GPC5: variants seen among roughly 807,000 people sequenced by gnomAD.
The protein encoded by GPC5 is glypican-5.
GPC5 carries 47 observed loss-of-function variants against 53.9 expected under a neutral mutation model. The ratio of observed to expected loss-of-function variants is 0.87; its 90% CI spans 0.69 to 1.11. GPC5 has a LOEUF of 1.11. GPC5 is among the 50% of genes most tolerant of loss of function. The pLI is 0.00. For missense variants in GPC5, 748 were observed against 713.1 expected (o/e 1.05, Z -0.56); for synonymous variants, 286 against 263.3 (o/e 1.09, Z -0.84).
At chr13:91,717,334 G>A (rs1245089092) in intron 3 of GPC5, among the ~76,000 whole-genome samples, 1 of 152,166 alleles carries the variant, frequency 6.6e-6, no homozygotes, top group Non-Finnish European at 1.5e-5. Flanking sequence ...CAAAGGCTTT[G>A]GTTCAGAGCA....
At chr13:92,718,912 A>T (rs564800630) in intron 7 of GPC5, among the ~76,000 whole-genome samples, 19 of 148,176 alleles carry the variant, frequency 1.3e-4, no homozygotes, top group Non-Finnish European at 2.7e-4. Flanking sequence ...AAAAAAAAAA[A>T]TTGTTAAAAA....
chr13:92,438,924 T>C (rs1309175248), intron 7 of GPC5, among the ~76,000 whole-genome samples: 1 of 152,138 alleles, frequency 6.6e-6, no homozygotes, highest in African/African-American at 2.4e-5. Context: ...AGTGGCTCCA[T>C]TTCAAACATG....
intron 7 of GPC5, among the ~76,000 whole-genome samples, chr13:92,850,963 T>C (rs1341914865): frequency 3.9e-5 from 6 of 152,184 alleles, no homozygotes; most frequent in African/African-American, 1.4e-4. Flanking sequence ...AATTGGCTCA[T>C]GGTTCTTTAG....
At chr13:92,086,489 T>C (rs961013529) in intron 6 of GPC5, among the ~76,000 whole-genome samples, 1 of 152,236 alleles carries the variant, frequency 6.6e-6, no homozygotes, top group Non-Finnish European at 1.5e-5. Context: ...GCTATTCACA[T>C]TGTATTTTTG....
intron 7 of GPC5, among the ~76,000 whole-genome samples, chr13:92,605,090 T>C (rs896191973): frequency 6.6e-6 from 1 of 152,202 alleles, no homozygotes; most frequent in Non-Finnish European, 1.5e-5. Context: ...GATTAGAGAA[T>C]TGTTAATCAA....
intron 6 of GPC5, among the ~76,000 whole-genome samples, chr13:92,110,867 G>T (rs774316836): frequency 6.6e-6 from 1 of 152,034 alleles, no homozygotes. Flanking sequence ...ATTTTCTTTC[G>T]ATGTCCTGAT....
chr13:92,093,936 AAT>A (rs1228560627), intron 6 of GPC5, among the ~76,000 whole-genome samples: 1 of 152,236 alleles, frequency 6.6e-6, no homozygotes, highest in African/African-American at 2.4e-5. Context: ...ATTTAATTCA[AAT>A]ATGTCATAAA....
At chr13:92,161,231 G>A (rs1315349705) in intron 7 of GPC5, among the ~76,000 whole-genome samples, 1 of 152,062 alleles carries the variant, frequency 6.6e-6, no homozygotes, top group Admixed American at 6.5e-5. Flanking sequence ...GTTCTAGCCA[G>A]AAATAGTGAA....
rs1032175968 is a variant in GPC5, at chr13:91,856,956, C to A, written c.1281-50981C>A. Reference sequence around the variant, plus strand: ...TGTGTGTTATGATATAGGGCTTAAGCTTTTTCTTTTTTTTTTGACTTATGA... The same window carrying A: ...TGTGTGTTATGATATAGGGCTTAAGATTTTTCTTTTTTTTTTGACTTATGA... On this transcript the variant is annotated intron_variant, in intron 5 of 7. Coordinates refer to ENST00000377067, the MANE Select transcript of GPC5 (RefSeq NM_004466.6). Among the ~76,000 whole-genome samples, 17 of 128,082 alleles carry A rather than the reference C, an allele frequency of 1.3e-4. No homozygotes were observed. In the East Asian group the frequency reaches 5.6e-3, roughly 42 times the overall value. 84.0% of individuals were successfully genotyped at this position (128,082 alleles called of 152,430 possible).
At position 92,751,302 on chromosome 13, in the gene GPC5, T is replaced by TAAAAAAAA. The variant is rs1566400471; in HGVS notation, c.1562-114980_1562-114979insAAAAAAAA. ...AAAACCTTTGGTCATCCAGAAACAT[T>TAAAAAAAA]TAAAAAAAAAAAAAAAAAAAAAAAA... is the stretch of plus-strand genomic sequence containing the variant. On this transcript the variant is annotated intron_variant, in intron 7 of 7. Transcript: ENST00000377067. Among the ~76,000 whole-genome samples the TAAAAAAAA allele has an allele frequency of 5.5e-3, 188 of 34,404 alleles. 21 individuals are homozygous for TAAAAAAAA. Among genetic ancestry groups the TAAAAAAAA allele is most frequent in the East Asian group, 0.018 (25 of 1,416 alleles). The allele number at this position is 34,404 out of a possible 152,430, so 22.6% of individuals were successfully genotyped here.
At chr13:92,294,093 C>T (rs2043016935) in intron 7 of GPC5, among the ~76,000 whole-genome samples, 1 of 152,038 alleles carries the variant, frequency 6.6e-6, no homozygotes. Flanking sequence ...ATTTGGTTAC[C>T]TAGTATTTTG....
At chr13:92,630,875 T>G (rs1328580700) in intron 7 of GPC5, among the ~76,000 whole-genome samples, 1 of 152,174 alleles carries the variant, frequency 6.6e-6, no homozygotes, top group Non-Finnish European at 1.5e-5. Flanking sequence ...TGTTTCCTTT[T>G]TAGTCCCCTA....
intron 7 of GPC5, among the ~76,000 whole-genome samples, chr13:92,551,789 T>C (rs1437035257): frequency 6.6e-6 from 1 of 151,714 alleles, no homozygotes; most frequent in African/African-American, 2.4e-5. Flanking sequence ...GAAAAAGGAA[T>C]TATGAAACTC....
intron 2 of GPC5, among the ~76,000 whole-genome samples, chr13:91,539,232 T>C (rs2138729607): frequency 6.6e-6 from 1 of 152,324 alleles, no homozygotes; most frequent in South Asian, 2.1e-4. Context: ...AATTAGTTCT[T>C]GTAATAGGTG....
In GPC5 at chr13:92,379,682, CTG is replaced by C. The variant is rs573230191; in HGVS notation, c.1561+234696_1561+234697del. Among the ~76,000 whole-genome samples the C allele has an allele frequency of 2.3e-3, 344 of 151,994 alleles. 2 individuals are homozygous for C. Among genetic ancestry groups the C allele is most frequent in the African/African-American group, 8.0e-3 (331 of 41,474 alleles). ...GTGCCCCCTGCATATTAGTTCCTCT[CTG>C]TGCCCCCTGCATATTTGTTCCTCGC... On this transcript the variant is annotated intron_variant, in intron 7 of 7. Coordinates refer to ENST00000377067, the MANE Select transcript of GPC5 (RefSeq NM_004466.6).
intron 5 of GPC5, among the ~76,000 whole-genome samples, chr13:91,839,680 C>T (rs2038762385): frequency 6.6e-6 from 1 of 152,036 alleles, no homozygotes; most frequent in Non-Finnish European, 1.5e-5. Flanking sequence ...GTTTAGGAAC[C>T]TTTGCATACC....
At chr13:92,527,120 G>GAA (rs1469559919) in intron 7 of GPC5, among the ~76,000 whole-genome samples, 2 of 76,716 alleles carry the variant, frequency 2.6e-5, no homozygotes, top group African/African-American at 1.0e-4. Context: ...AAGAAAGAAA[G>GAA]AAAGAAAGAA....
At chr13:91,518,778 C>T (rs887298426) in intron 2 of GPC5, among the ~76,000 whole-genome samples, 1 of 152,208 alleles carries the variant, frequency 6.6e-6, no homozygotes, top group Non-Finnish European at 1.5e-5. Context: ...TGGACTCGAT[C>T]TCCTGACCTT....
chr13:92,088,378 G>C (rs2041352605), intron 6 of GPC5, among the ~76,000 whole-genome samples: 1 of 152,128 alleles, frequency 6.6e-6, no homozygotes. Context: ...AAGCTGGATT[G>C]GGGGACGGGG....
Sources: allele counts gnomAD v4.1 joint callset (sites outside exome capture counted in the v4.1 genomes callset), GRCh38; gene constraint gnomAD v4.1.1; transcripts MANE v1.5; gene names NCBI Gene and HGNC (gene_info 2026-07-23, HGNC 2026-07-21).